The following ASXL1 variants were observed in gnomAD, a reference collection of about 807,000 sequenced individuals.
ASXL1 encodes polycomb group protein ASXL1.
In ASXL1, 65 loss-of-function variants were observed where a neutral mutation model predicts 89.1. The ratio of observed to expected loss-of-function variants is 0.73; its 90% CI spans 0.60 to 0.90. ASXL1 has a LOEUF of 0.90. ASXL1 is among the 40% of genes least tolerant of loss of function. The pLI is 0.00. For missense variants in ASXL1, 1,786 were observed against 1,942.9 expected, an observed-to-expected ratio of 0.92 and a Z score of 1.52; for synonymous variants, 739 against 746.9, an observed-to-expected ratio of 0.99 and a Z score of 0.17.
intron 4 of ASXL1, among the ~76,000 whole-genome samples, chr20:32,406,012 A>G (rs1356355841): frequency 1.3e-5 from 2 of 152,150 alleles, no homozygotes; most frequent in Non-Finnish European, 2.9e-5. Flanking sequence ...TTAGAAGCCA[A>G]GATCTAGTTT....
chr20:32,395,310 G>A (rs2048743257), intron 4 of ASXL1, among the ~76,000 whole-genome samples: 1 of 151,990 alleles, frequency 6.6e-6, no homozygotes, highest in African/African-American at 2.4e-5. Flanking sequence ...TTTTCATTGT[G>A]TACTTTAAAG....
At position 32,358,679 on chromosome 20, in the gene ASXL1, C is replaced by T. The variant is rs570751501; in HGVS notation, c.-97C>T. On this transcript the variant is annotated 5_prime_UTR_variant, in exon 1 of 13. Coordinates refer to ENST00000375687, the MANE Select transcript of ASXL1 (RefSeq NM_015338.6). ...TCGCGCGCCGCCGCTGCCACGCGCC[C>T]CCCCCACCGCCGCCGCCGCCCCAGC... 454 of 447,582 alleles carry T rather than the reference C, an allele frequency of 1.0e-3. 11 individuals are homozygous for T. The South Asian group carries it at 0.037, about 36-fold the overall frequency. The allele number at this position is 447,582 out of a possible 1,614,324, so 27.7% of individuals were successfully genotyped here. A position where few individuals can be genotyped will look rare whatever the true frequency, so the allele number is the denominator to read the frequency against.
At chr20:32,422,551 A>G (rs1291664704) in intron 4 of ASXL1, among the ~76,000 whole-genome samples, 3 of 139,674 alleles carry the variant, frequency 2.1e-5, no homozygotes, top group Non-Finnish European at 4.6e-5. Flanking sequence ...TCTCCCTCTC[A>G]TGGTAACTGT....
At chr20:32,425,244 A>G (rs567574884) in intron 4 of ASXL1, among the ~76,000 whole-genome samples, 7 of 152,328 alleles carry the variant, frequency 4.6e-5, no homozygotes, top group African/African-American at 1.7e-4. Flanking sequence ...ATGTACTACA[A>G]TTTGATTCTG....
chr20:32,408,422 C>CT (rs2048991628), intron 4 of ASXL1, among the ~76,000 whole-genome samples: 2 of 152,176 alleles, frequency 1.3e-5, no homozygotes, highest in Non-Finnish European at 2.9e-5. Flanking sequence ...TTCCATTAAT[C>CT]TATCTATTTT....
chr20:32,391,695 C>T (rs2048674342), intron 4 of ASXL1, among the ~76,000 whole-genome samples: 1 of 152,102 alleles, frequency 6.6e-6, no homozygotes, highest in South Asian at 2.1e-4. Context: ...GGCTATGTTT[C>T]CCAGGCTGGT....
chr20:32,431,204 AT>A (rs2011501663), intron 8 of ASXL1, 116 bp from the exon 9 acceptor site: 2 of 1,221,554 alleles, frequency 1.6e-6, no homozygotes, highest in African/African-American at 3.0e-5. Context: ...AATTGAGCAG[AT>A]TGTGTGCAGA....
chr20:32,385,842 G>A (rs1336332930), intron 4 of ASXL1, among the ~76,000 whole-genome samples: 1 of 152,060 alleles, frequency 6.6e-6, no homozygotes, highest in African/African-American at 2.4e-5. Context: ...GGTTTCCCAT[G>A]GCAGTTGCAG....
intron 3 of ASXL1, 59 bp downstream of exon 3, chr20:32,367,788 G>A (rs1414786283): frequency 4.1e-5 from 32 of 779,696 alleles, no homozygotes; most frequent in Non-Finnish European, 4.8e-5. Flanking sequence ...TCTGCTTCTT[G>A]TTCTTAGAGG....
chr20:32,379,959 A>G (rs929157830), intron 4 of ASXL1, among the ~76,000 whole-genome samples: 4 of 150,092 alleles, frequency 2.7e-5, no homozygotes, highest in African/African-American at 9.8e-5. Context: ...TGTTTAGAAT[A>G]TTTTTTAAAA....
chr20:32,372,945 CT>C (rs71187111), intron 4 of ASXL1, among the ~76,000 whole-genome samples: 215 of 136,412 alleles, frequency 1.6e-3, no homozygotes, highest in South Asian at 7.2e-3. Context: ...TTTTCTTTTT[CT>C]TTTTTTTTTT....
intron 4 of ASXL1, among the ~76,000 whole-genome samples, chr20:32,413,890 A>G (rs949216524): frequency 2.6e-5 from 4 of 152,226 alleles, no homozygotes; most frequent in African/African-American, 9.6e-5. Context: ...GAGCAGATTG[A>G]CGTAGAGTTG....
chr20:32,429,672 T>C lies in ASXL1; in HGVS notation c.566-229T>C. ...CGGAGGATTTGATTATGCCAGTGCT[T>C]TGTAAAAGGTGTAGTGCTATACAAA... On this transcript the variant is annotated intron_variant, in intron 7 of 12. Coordinates refer to ENST00000375687, the MANE Select transcript of ASXL1 (RefSeq NM_015338.6). The surrounding 1 kb of genome is among the most constrained non-coding windows in gnomAD (Gnocchi z 4.9). The C allele has an allele frequency of 1.4e-6, 1 of 710,048 alleles. No individual in the cohort carries two copies. Among genetic ancestry groups the C allele is most frequent in the Non-Finnish European group, 2.3e-6 (1 of 432,504 alleles). 44.0% of individuals were successfully genotyped at this position (710,048 alleles called of 1,614,324 possible). A position where few individuals can be genotyped will look rare whatever the true frequency, so the allele number is the denominator to read the frequency against.
chr20:32,435,815 C>A lies in ASXL1; in HGVS notation c.3103C>A (p.Pro1035Thr). ...ATCTTCGGTGGACAAGGATGAGAAA[C>A]CCAATTGGAACCAATCTGCCCCACT... ...KGSSVDKDEK[P>T]NWNQSAPLSK... is the part of the protein sequence containing the mutation. The change falls in exon 13 of 13, where the codon CCC becomes ACC. Residue 1035 changes from proline to threonine, a missense_variant. Pro to Thr is a conservative substitution (Grantham distance 38). This residue lies in a region of ASXL1 where 1,418 missense variants were observed against 1,427.8 expected (regional missense o/e 0.99). Coordinates refer to ENST00000375687, the MANE Select transcript of ASXL1 (RefSeq NM_015338.6). 1 of 1,614,152 alleles carries A rather than the reference C, an allele frequency of 6.2e-7. No homozygotes were observed. Among genetic ancestry groups the A allele is most frequent in the Non-Finnish European group, 8.5e-7 (1 of 1,180,032 alleles).
chr20:32,420,797 C>CA (rs561022009), intron 4 of ASXL1, among the ~76,000 whole-genome samples: 28 of 144,906 alleles, frequency 1.9e-4, no homozygotes, highest in South Asian at 4.4e-4. Flanking sequence ...AAAGACAACT[C>CA]AAAAAAAAAA....
chr20:32,421,524 T>TA (rs1191651863), intron 4 of ASXL1, among the ~76,000 whole-genome samples: 1 of 147,974 alleles, frequency 6.8e-6, no homozygotes, highest in Non-Finnish European at 1.5e-5. Context: ...CCTAGATAGT[T>TA]ATTCAGGAGA....
intron 4 of ASXL1, among the ~76,000 whole-genome samples, chr20:32,396,867 T>A (rs901037194): frequency 1.3e-5 from 2 of 152,140 alleles, no homozygotes; most frequent in Non-Finnish European, 2.9e-5. Context: ...TGTGTTCATT[T>A]TGAAATAACT....
In ASXL1 at chr20:32,429,199, C is replaced by T; in HGVS notation, c.472-139C>T. On this transcript the variant is annotated intron_variant, in intron 6 of 12. Coordinates refer to ENST00000375687, the MANE Select transcript of ASXL1 (RefSeq NM_015338.6). The surrounding 1 kb of genome is among the most constrained non-coding windows in gnomAD (Gnocchi z 4.9). ...TAGCTCAGTAACATTAACCAGTGCT[C>T]TTGTCAGCATTATTTGACAGATCTG... The T allele has an allele frequency of 2.4e-6, 2 of 834,892 alleles. No homozygotes were observed. Among genetic ancestry groups the T allele is most frequent in the Non-Finnish European group, 4.0e-6 (2 of 499,498 alleles). 51.7% of individuals were successfully genotyped at this position (834,892 alleles called of 1,614,324 possible).
chr20:32,358,656 G>T lies in ASXL1; in HGVS notation c.-120G>T. On this transcript the variant is annotated 5_prime_UTR_variant, in exon 1 of 13. Transcript: ENST00000375687. ...TCTCCCCGGCCGCACCCGAGACCTC[G>T]CGCGCCGCCGCTGCCACGCGCCCCC... The T allele has an allele frequency of 3.5e-6, 1 of 283,040 alleles. No homozygotes were observed. The allele number at this position is 283,040 out of a possible 1,614,324, so 17.5% of individuals were successfully genotyped here. A position where few individuals can be genotyped will look rare whatever the true frequency, so the allele number is the denominator to read the frequency against.
Sources: gnomAD v4.1 joint callset for allele counts (sites outside exome capture counted in the v4.1 genomes callset) on GRCh38, gnomAD v4.1.1 for gene constraint, gnomAD v4.1.1 regional missense constraint, Gnocchi (gnomAD v3.1) non-coding constraint, MANE v1.5 for transcripts, NCBI Gene and HGNC (gene_info 2026-07-23, HGNC 2026-07-21) for gene names.